The following DST variants were observed in gnomAD, a reference collection of about 807,000 sequenced individuals.
The protein encoded by DST is dystonin, also known as bullous pemphigoid antigen.
DST carries 253 observed loss-of-function variants against 875.2 expected under a neutral mutation model. The ratio of observed to expected loss-of-function variants is 0.29; its 90% CI spans 0.26 to 0.32. DST has a LOEUF of 0.32. DST is among the 10% of genes least tolerant of loss of function. The pLI is 1.00. For synonymous variants in DST, 3,124 were observed against 3,197.1 expected, an observed-to-expected ratio of 0.98 and a Z score of 0.77; for missense variants, 8,287 against 9,111.6, an observed-to-expected ratio of 0.91 and a Z score of 3.68.
At chr6:56,845,934 T>C (rs1275650543) in intron 4 of DST, among the ~76,000 whole-genome samples, 1 of 152,236 alleles carries the variant, frequency 6.6e-6, no homozygotes, top group Non-Finnish European at 1.5e-5. Context: ...ATAATAATAG[T>C]GTATTCCATA....
intron 35 of DST, 22 bp from the exon 36 acceptor site, chr6:56,624,650 A>G: frequency 2.7e-6 from 4 of 1,475,226 alleles, no homozygotes; most frequent in Non-Finnish European, 3.8e-6. Flanking sequence ...GAAAAAAATA[A>G]TAAAAGCATT....
At chr6:56,575,945 G>T (rs1301528099) in intron 50 of DST, among the ~76,000 whole-genome samples, 2 of 152,090 alleles carry the variant, frequency 1.3e-5, no homozygotes, top group Non-Finnish European at 2.9e-5. Flanking sequence ...TAGTCTTAGG[G>T]TAGGGGGAGC....
chr6:56,832,006 A>G (rs1334310247), intron 4 of DST, among the ~76,000 whole-genome samples: 1 of 152,204 alleles, frequency 6.6e-6, no homozygotes, highest in African/African-American at 2.4e-5. Context: ...TTAAATTTCT[A>G]TATAGTTTTC....
intron 4 of DST, among the ~76,000 whole-genome samples, chr6:56,795,304 A>G (rs1014388471): frequency 6.6e-6 from 1 of 152,164 alleles, no homozygotes; most frequent in Non-Finnish European, 1.5e-5. Context: ...AACTGAGGAA[A>G]TCACTCTGTA....
intron 86 of DST, among the ~76,000 whole-genome samples, chr6:56,488,154 G>T (rs76079031): frequency 0.025 from 3,837 of 151,952 alleles, 72 homozygotes; most frequent in Non-Finnish European, 0.043. Context: ...TTCATATTAT[G>T]CTAAACAGAA....
chr6:56,696,240 A>G (rs1286080821), intron 9 of DST, among the ~76,000 whole-genome samples: 1 of 152,074 alleles, frequency 6.6e-6, no homozygotes, highest in African/African-American at 2.4e-5. Context: ...TCAGCTCACC[A>G]CAACCTCTGC....
At position 56,607,592 on chromosome 6, in the gene DST, A is replaced by G. The variant is rs1299980875; in HGVS notation, c.7036T>C (p.Tyr2346His). The change falls in exon 40 of 104, where the codon TAT (tyrosine) becomes CAT (histidine). Residue 2346 changes from tyrosine to histidine, a missense_variant. By Grantham distance (83) the Tyr-to-His change is moderately conservative. Transcript: ENST00000680361. ...TCTGCAAGTTCAGTCTGTGTTAAAT[A>G]TGATATGAGACTGGGAACACACACA... ...PSVCVPSLIS[Y>H]LTQTELADIS... 6.2e-7 allele frequency: 1 copy of G among 1,613,000 alleles called. No homozygotes were observed. Among genetic ancestry groups the G allele is most frequent in the South Asian group, 1.1e-5 (1 of 91,012 alleles).
chr6:56,543,466 G>A (rs1274076468), intron 61 of DST, among the ~76,000 whole-genome samples: 2 of 152,144 alleles, frequency 1.3e-5, no homozygotes, highest in Non-Finnish European at 2.9e-5. Context: ...GGTACTCACT[G>A]ACTCCAGATA....
In DST at chr6:56,592,314, A is replaced by G; in HGVS notation, c.12771T>C (p.Tyr4257=). The change falls in exon 49 of 104, where the codon TAT becomes TAC. Residue 4257 remains tyrosine, a synonymous_variant. Coordinates refer to ENST00000680361, the MANE Select transcript of DST (RefSeq NM_001374736.1). ...CACATGAAGCATCTTCATAGTGTTG[A>G]TATTTATCCACCAGATCTTTAAGAT... is the stretch of plus-strand genomic sequence containing the variant. ...GNNLKDLVDK[Y]QHYEDASCGL... is the part of the protein sequence containing the mutation. 2 of 1,607,602 alleles carry G rather than the reference A, an allele frequency of 1.2e-6. No individual in the cohort carries two copies. Among genetic ancestry groups the G allele is most frequent in the East Asian group, 4.5e-5 (2 of 44,708 alleles).
At chr6:56,481,697 G>A (rs2095407850) in intron 90 of DST, among the ~76,000 whole-genome samples, 1 of 152,156 alleles carries the variant, frequency 6.6e-6, no homozygotes, top group Admixed American at 6.5e-5. Flanking sequence ...CAAACTGCTC[G>A]TTAAAGAGGT....
intron 4 of DST, among the ~76,000 whole-genome samples, chr6:56,806,842 C>T (rs2099753537): frequency 6.6e-6 from 1 of 152,132 alleles, no homozygotes; most frequent in Non-Finnish European, 1.5e-5. Context: ...ATTTTATAGA[C>T]AAGGAAGATG....
rs758559985 is a variant in DST, at chr6:56,670,724, C to T, written c.1131G>A (p.Glu377=). ...TTTCACACCGAATTCCAGCATAACC[C>T]TCTGTTGCCTGCTGCGTCCAGAGTA... is the stretch of plus-strand genomic sequence containing the variant. ...RLLLWTQQAT[E]GYAGIRCENF... Residue 377 remains glutamate (E), a synonymous_variant, in exon 10 of 104, where the codon GAG becomes GAA. Transcript: ENST00000680361. 9 of 1,610,634 alleles carry T rather than the reference C, an allele frequency of 5.6e-6. No individual in the cohort carries two copies. Among genetic ancestry groups the T allele is most frequent in the Admixed American group, 1.7e-5 (1 of 59,652 alleles).
At chr6:56,813,657 A>G (rs2099763355) in intron 4 of DST, among the ~76,000 whole-genome samples, 1 of 152,196 alleles carries the variant, frequency 6.6e-6, no homozygotes, top group Non-Finnish European at 1.5e-5. Flanking sequence ...TTTCAGAAAA[A>G]CATTCTTTTA....
intron 4 of DST, among the ~76,000 whole-genome samples, chr6:56,742,710 A>C (rs551821485): frequency 7.2e-4 from 110 of 152,266 alleles, no homozygotes; most frequent in African/African-American, 2.5e-3. Context: ...TCTCTCTTCT[A>C]ACACCCCAGG....
At chr6:56,648,768 A>G in intron 12 of DST, 79 bp from the exon 13 acceptor site, 1 of 1,222,080 alleles carries the variant, frequency 8.2e-7, no homozygotes, top group Admixed American at 2.5e-5. Flanking sequence ...GTCAGAAGTC[A>G]TTCTGTAAAT....
intron 69 of DST, among the ~76,000 whole-genome samples, chr6:56,522,336 G>A (rs181008053): frequency 6.6e-6 from 1 of 152,214 alleles, no homozygotes; most frequent in Admixed American, 6.5e-5. Flanking sequence ...TAACGAAGGT[G>A]GTCTGACTTC....
chr6:56,725,315 T>C (rs370660404), intron 5 of DST, among the ~76,000 whole-genome samples: 1 of 152,348 alleles, frequency 6.6e-6, no homozygotes, highest in African/African-American at 2.4e-5. Context: ...TTGACCTTCC[T>C]ATGCACAGCT....
At chr6:56,778,645 G>A (rs996118804) in intron 4 of DST, among the ~76,000 whole-genome samples, 10 of 146,206 alleles carry the variant, frequency 6.8e-5, no homozygotes, top group African/African-American at 2.5e-4. Context: ...TTGGTTTTTT[G>A]TCCTTGAGAT....
At chr6:56,809,841 C>T (rs2099757734) in intron 4 of DST, among the ~76,000 whole-genome samples, 2 of 152,058 alleles carry the variant, frequency 1.3e-5, no homozygotes, top group African/African-American at 4.8e-5. Flanking sequence ...CTTCATTTTC[C>T]CCTAAGAAAT....
Sources: gnomAD v4.1 joint callset for allele counts (sites outside exome capture counted in the v4.1 genomes callset) on GRCh38, gnomAD v4.1.1 for gene constraint, MANE v1.5 for transcripts, NCBI Gene and HGNC (gene_info 2026-07-23, HGNC 2026-07-21) for gene names.